Variants in ANP32B observed in about 807,000 individuals in gnomAD.
The protein encoded by ANP32B is acidic nuclear phosphoprotein 32 family member B, also known as acidic leucine-rich nuclear phosphoprotein 32 family member B.
ANP32B carries 6 observed loss-of-function variants against 32.2 expected under a neutral mutation model. The ratio of observed to expected loss-of-function variants is 0.19; its 90% CI spans 0.10 to 0.37. ANP32B has a LOEUF of 0.37. Among genes scored for constraint, ANP32B ranks in the 10% least tolerant of loss-of-function variants. The probability of loss-of-function intolerance (pLI) is 1.00; values close to 1 mark genes in which losing one functional copy is unlikely to be tolerated. For missense variants in ANP32B, 204 were observed against 289.2 expected, an observed-to-expected ratio of 0.71 and a Z score of 2.14; for synonymous variants, 98 against 105.8, an observed-to-expected ratio of 0.93 and a Z score of 0.45.
intron 3 of ANP32B, among the ~76,000 whole-genome samples, chr9:98,000,280 G>A (rs1366731312): frequency 2.6e-5 from 4 of 152,124 alleles, no homozygotes; most frequent in Non-Finnish European, 4.4e-5. Flanking sequence ...ATGTCCGGCT[G>A]AGTCTCTTTA....
In ANP32B at chr9:97,998,694, T is replaced by A. The variant is rs777405753; in HGVS notation, c.327+16T>A. On this transcript the variant is annotated intron_variant, in intron 3 of 6. Transcript: ENST00000339399. ...GGAACCTTTGGTAAGTAACTGAGAATTTGGAAACTGGAACTTACTGGTCAT... is the reference window on the plus strand; with the variant it reads ...GGAACCTTTGGTAAGTAACTGAGAAATTGGAAACTGGAACTTACTGGTCAT... The A allele has an allele frequency of 6.4e-7, 1 of 1,552,080 alleles. No homozygotes were observed. The highest frequency in any genetic ancestry group is 2.1e-5 in the Admixed American group (1 of 48,050).
In ANP32B at chr9:98,015,620, A is replaced by T; in HGVS notation, c.*189A>T. 4 of 1,307,210 alleles carry T rather than the reference A, an allele frequency of 3.1e-6. No homozygotes were observed. The South Asian group carries it at 7.8e-5, about 26-fold the overall frequency. The allele number at this position is 1,307,210 out of a possible 1,614,324, so 81.0% of individuals were successfully genotyped here. On this transcript the variant is annotated 3_prime_UTR_variant, in exon 7 of 7. Transcript: ENST00000339399. ...TCCATGTAGTCCCTCTTGGTAATCTACCACCAAGCTTGTGGACTTCACCCC... is the reference window on the plus strand; with the variant it reads ...TCCATGTAGTCCCTCTTGGTAATCTTCCACCAAGCTTGTGGACTTCACCCC...
chr9:97,985,777 G>T (rs1827718020), intron 1 of ANP32B, among the ~76,000 whole-genome samples: 1 of 152,220 alleles, frequency 6.6e-6, no homozygotes, highest in East Asian at 1.9e-4. Flanking sequence ...AAGTAATATT[G>T]CTTTAAAAAC....
rs1827627510 is a variant in ANP32B at position 97,983,372 on chromosome 9, T to A, written c.-184T>A. The A allele has an allele frequency of 1.3e-5, 7 of 550,014 alleles. No homozygotes were observed. The highest frequency in any genetic ancestry group is 3.5e-5 in the East Asian group (1 of 28,804). The allele number at this position is 550,014 out of a possible 1,614,324, so 34.1% of individuals were successfully genotyped here. ...CCTCCATGGTTTCTCTCCGCTCCCG[T>A]GAGTAACTTGGCTCCGGGGGCTCCG... On this transcript the variant is annotated 5_prime_UTR_variant, in exon 1 of 7. Coordinates refer to ENST00000339399, the MANE Select transcript of ANP32B (RefSeq NM_006401.3).
intron 3 of ANP32B, among the ~76,000 whole-genome samples, chr9:98,003,032 T>C (rs1027200522): frequency 2.6e-5 from 4 of 152,150 alleles, no homozygotes; most frequent in African/African-American, 9.7e-5. Flanking sequence ...AGCATTTTTT[T>C]CCTCTTTGGC....
chr9:98,010,262 G>GT (rs10709205), intron 4 of ANP32B, among the ~76,000 whole-genome samples: 179 of 138,794 alleles, frequency 1.3e-3, no homozygotes, highest in South Asian at 2.5e-3. Context: ...GAGAAATGGT[G>GT]TTTTTTTTTT....
intron 1 of ANP32B, among the ~76,000 whole-genome samples, chr9:97,991,961 A>G (rs17760622): frequency 0.039 from 5,980 of 152,324 alleles, 151 homozygotes; most frequent in Non-Finnish European, 0.053. Flanking sequence ...ACCTCTGTAC[A>G]ATATTGCTGA....
At chr9:98,009,959 T>C (rs926676514) in intron 4 of ANP32B, among the ~76,000 whole-genome samples, 16 of 152,218 alleles carry the variant, frequency 1.1e-4, no homozygotes, top group African/African-American at 3.4e-4. Context: ...GAATAGGACA[T>C]CTCACTTATT....
At chr9:97,983,939 G>C (rs909155221) in intron 1 of ANP32B, among the ~76,000 whole-genome samples, 59 of 151,918 alleles carry the variant, frequency 3.9e-4, no homozygotes, top group African/African-American at 1.3e-3. Context: ...GTTGTGTAAC[G>C]CTGGGAGCCA....
intron 4 of ANP32B, among the ~76,000 whole-genome samples, chr9:98,006,133 A>G (rs2131589757): frequency 6.6e-6 from 1 of 152,338 alleles, no homozygotes; most frequent in African/African-American, 2.4e-5. Flanking sequence ...TGGTGATGCT[A>G]GCACTGGGGA....
At chr9:98,008,809 C>A (rs1044208406) in intron 4 of ANP32B, among the ~76,000 whole-genome samples, 1 of 152,122 alleles carries the variant, frequency 6.6e-6, no homozygotes, top group Non-Finnish European at 1.5e-5. Flanking sequence ...ATAATTATAT[C>A]ATTATATATT....
chr9:98,010,201 TA>T (rs1347594492), intron 4 of ANP32B, among the ~76,000 whole-genome samples: 35 of 144,498 alleles, frequency 2.4e-4, no homozygotes, highest in Admixed American at 3.5e-4. Context: ...AATAGTGGTT[TA>T]AAAAAAAAAG....
intron 1 of ANP32B, among the ~76,000 whole-genome samples, chr9:97,986,398 A>G (rs1827735398): frequency 6.6e-6 from 1 of 152,176 alleles, no homozygotes; most frequent in Non-Finnish European, 1.5e-5. Flanking sequence ...TGTGGGAGCC[A>G]GCTAAGATTG....
chr9:98,000,819 G>A (rs1280255301), intron 3 of ANP32B, among the ~76,000 whole-genome samples: 1 of 151,768 alleles, frequency 6.6e-6, no homozygotes, highest in Admixed American at 6.6e-5. Context: ...CTACTTGGGA[G>A]GCTGAGGCAG....
intron 6 of ANP32B, 145 bp downstream of exon 6, chr9:98,012,617 C>A: frequency 7.9e-7 from 1 of 1,261,098 alleles, no homozygotes; most frequent in Non-Finnish European, 1.1e-6. Flanking sequence ...TTCTATCGTC[C>A]CATCAGTGTG....
intron 3 of ANP32B, among the ~76,000 whole-genome samples, chr9:98,003,345 G>C (rs1008116426): frequency 6.6e-6 from 1 of 152,188 alleles, no homozygotes; most frequent in African/African-American, 2.4e-5. Context: ...TTCATGTGCA[G>C]GGGTCAGTAG....
At chr9:97,993,762 A>G (rs1827865175) in intron 1 of ANP32B, among the ~76,000 whole-genome samples, 1 of 152,130 alleles carries the variant, frequency 6.6e-6, no homozygotes, top group Non-Finnish European at 1.5e-5. Context: ...TAGCCTCCCA[A>G]GTAGCTGGGA....
Position 98,005,117 on chromosome 9 carries a change from G to A in ANP32B, c.481G>A (p.Glu161Lys), listed in dbSNP as rs1251083232. The change falls in exon 4 of 7, where the codon GAG becomes AAG. Residue 161 changes from glutamate (E) to lysine (K), a missense_variant. Coordinates refer to ENST00000339399, the MANE Select transcript of ANP32B (RefSeq NM_006401.3). The part of the protein sequence containing the change: ...EDQEAPDSDA[E>K]VDGVDEEEED... ...CCAGGAAGCACCTGACTCAGATGCC[G>A]AGGTGGATGGTGTGGATGAAGAGGA... 1 of 1,613,916 alleles carries A rather than the reference G, an allele frequency of 6.2e-7. No individual in the cohort carries two copies. The highest frequency in any genetic ancestry group is 1.7e-5 in the Admixed American group (1 of 59,992).
intron 1 of ANP32B, 93 bp downstream of exon 1, chr9:97,983,702 C>G: frequency 1.8e-6 from 2 of 1,082,446 alleles, no homozygotes; most frequent in South Asian, 1.8e-5. Context: ...TCGCCGGCCC[C>G]GGCGCGGGGA....
Sources: allele counts gnomAD v4.1 joint callset (sites outside exome capture counted in the v4.1 genomes callset), GRCh38; gene constraint gnomAD v4.1.1; transcripts MANE v1.5; gene names NCBI Gene and HGNC (gene_info 2026-07-23, HGNC 2026-07-21).